PRKAG2: variants seen among roughly 807,000 people sequenced by gnomAD.
PRKAG2 encodes 5'-AMP-activated protein kinase subunit gamma-2.
In PRKAG2, 26 loss-of-function variants were observed where a neutral mutation model predicts 69.6. That is an observed-to-expected ratio of 0.37 (90% CI 0.27 to 0.52). The LOEUF is 0.52. Ranked by LOEUF, PRKAG2 falls within the 20% of genes least tolerant of loss-of-function variation. The pLI, the probability that PRKAG2 is intolerant of heterozygous loss-of-function variation, is 0.90. For synonymous variants in PRKAG2, 293 were observed against 285.0 expected (o/e 1.03, Z -0.28); for missense variants, 557 against 740.0 (o/e 0.75, Z 2.87).
intron 5 of PRKAG2, 126 bp from the exon 6 acceptor site, chr7:151,595,580 C>T (rs1009514066): frequency 1.4e-6 from 1 of 733,600 alleles, no homozygotes; most frequent in African/African-American, 1.7e-5. Context: ...CCAGTATGAT[C>T]AAGGGCCAGG....
Position 151,736,459 on chromosome 7 carries a change from G to A in PRKAG2, c.466+44693C>T, listed in dbSNP as rs533966400. ...AGATAGGCAAAGGAGGCACAAGCCT[G>A]CAAGTCATGTGCAGCCGTGCATGAT... is the stretch of plus-strand genomic sequence containing the variant. On this transcript the variant is annotated intron_variant, in intron 3 of 15. Coordinates refer to ENST00000287878, the MANE Select transcript of PRKAG2 (RefSeq NM_016203.4). 3.3e-4 allele frequency: 299 copies of A among 913,278 alleles called. No homozygotes were observed. The African/African-American group carries it at 5.0e-3, about 15-fold the overall frequency. The allele number at this position is 913,278 out of a possible 1,614,324, so 56.6% of individuals were successfully genotyped here.
rs1429429301 is a variant in PRKAG2, at chr7:151,756,041, G to A, written c.466+25111C>T. Among the ~76,000 whole-genome samples the A allele has an allele frequency of 2.0e-5, 3 of 152,026 alleles. No homozygotes were observed. The highest frequency in any genetic ancestry group is 4.4e-5 in the Non-Finnish European group (3 of 67,996). On this transcript the variant is annotated intron_variant, in intron 3 of 15. Transcript: ENST00000287878. The surrounding 1 kb of genome is among the most constrained non-coding windows in gnomAD (Gnocchi z 4.9). ...ACAAATACTTCCACTGCCCTCTCCC[G>A]CCTCCTCTCCCATCCCCCATTGGTC...
At chr7:151,743,690 A>G (rs896935877) in intron 3 of PRKAG2, among the ~76,000 whole-genome samples, 7 of 152,340 alleles carry the variant, frequency 4.6e-5, no homozygotes, top group Non-Finnish European at 1.0e-4. Context: ...GAGTTCCTCC[A>G]CGAGACTCAG....
intron 5 of PRKAG2, among the ~76,000 whole-genome samples, chr7:151,628,719 A>AAAAAAGAAAAACCAG (rs371336340): frequency 2.0e-5 from 3 of 151,558 alleles, no homozygotes; most frequent in Non-Finnish European, 2.9e-5. Flanking sequence ...GGGAGGGAAA[A>AAAAAAGAAAAACCAG]ATTGCTATGG....
At chr7:151,584,980 C>T (rs559571004) in intron 6 of PRKAG2, among the ~76,000 whole-genome samples, 5 of 152,186 alleles carry the variant, frequency 3.3e-5, no homozygotes, top group Admixed American at 6.5e-5. Flanking sequence ...CAGGTTCTAG[C>T]GGGACGTCAC....
chr7:151,818,073 T>C (rs1220580513), intron 1 of PRKAG2, among the ~76,000 whole-genome samples: 2 of 152,196 alleles, frequency 1.3e-5, no homozygotes, highest in South Asian at 2.1e-4. Context: ...AAGGATCAGG[T>C]ACCACCTGAG....
intron 3 of PRKAG2, among the ~76,000 whole-genome samples, chr7:151,684,887 G>T (rs1489160389): frequency 1.3e-5 from 2 of 152,122 alleles, no homozygotes; most frequent in Admixed American, 6.5e-5. Context: ...GCCAGTCCCT[G>T]GTTTCTCATC....
At chr7:151,831,751 T>A (rs559914159) in intron 1 of PRKAG2, among the ~76,000 whole-genome samples, 4 of 152,148 alleles carry the variant, frequency 2.6e-5, no homozygotes, top group Non-Finnish European at 4.4e-5. Flanking sequence ...TGGAGGGAGT[T>A]CTGTGTGCCC....
chr7:151,738,513 G>T (rs1006661453), intron 3 of PRKAG2, among the ~76,000 whole-genome samples: 4 of 152,408 alleles, frequency 2.6e-5, no homozygotes, highest in Non-Finnish European at 4.4e-5. Flanking sequence ...AAGGTTGTGG[G>T]TTTACGGAAA....
chr7:151,581,551 T>G (rs1041542931), intron 6 of PRKAG2, among the ~76,000 whole-genome samples: 12 of 152,146 alleles, frequency 7.9e-5, no homozygotes, highest in African/African-American at 2.7e-4. Context: ...AGTGGACATC[T>G]ACACACAAAA....
rs868675138 is a variant in PRKAG2, at chr7:151,843,987, A to G, written c.114+32520T>C. 2.4e-4 allele frequency among the ~76,000 whole-genome samples: 37 copies of G among 152,370 alleles called. 1 individual carries two copies. Among genetic ancestry groups the G allele is most frequent in the African/African-American group, 8.9e-4 (37 of 41,590 alleles). On this transcript the variant is annotated intron_variant, in intron 1 of 15. Transcript: ENST00000287878. ...AAGCTTTTTAAAAATTCAGATTCCA[A>G]GGCCTCAGCCTGGGCCTCCTGACTC...
rs1331417687 is a variant in PRKAG2, at chr7:151,781,059, C to T, written c.466+93G>A. The T allele has an allele frequency of 4.5e-6, 7 of 1,550,968 alleles. No homozygotes were observed. The highest frequency in any genetic ancestry group is 5.3e-6 in the Non-Finnish European group (6 of 1,129,270). On this transcript the variant is annotated intron_variant, in intron 3 of 15. Coordinates refer to ENST00000287878, the MANE Select transcript of PRKAG2 (RefSeq NM_016203.4). The surrounding 1 kb of genome is among the most constrained non-coding windows in gnomAD (Gnocchi z 6.1). ...CTCAGCACCAAGCTGCTCACAGCCA[C>T]CTGGCAGCTTCGGTGCCACCGTGGA...
In PRKAG2 at chr7:151,876,807, G is replaced by A; in HGVS notation, c.-187C>T. The A allele has an allele frequency of 1.5e-6, 1 of 655,044 alleles. No individual in the cohort carries two copies. Among genetic ancestry groups the A allele is most frequent in the Non-Finnish European group, 2.7e-6 (1 of 367,224 alleles). The allele number at this position is 655,044 out of a possible 1,614,324, so 40.6% of individuals were successfully genotyped here. A position where few individuals can be genotyped will look rare whatever the true frequency, so the allele number is the denominator to read the frequency against. ...CGGCCGCCGCCGCCGCCGAAGCGCC[G>A]AATTCAAGCGTCCTTTCCTACGGAA... On this transcript the variant is annotated 5_prime_UTR_variant, in exon 1 of 16. Coordinates refer to ENST00000287878, the MANE Select transcript of PRKAG2 (RefSeq NM_016203.4).
At chr7:151,637,217 T>C (rs1825882746) in intron 4 of PRKAG2, among the ~76,000 whole-genome samples, 1 of 152,098 alleles carries the variant, frequency 6.6e-6, no homozygotes, top group Non-Finnish European at 1.5e-5. Context: ...TATCTCAAAA[T>C]AAAAAGTTTA....
At chr7:151,765,729 A>AT (rs1426523537) in intron 3 of PRKAG2, among the ~76,000 whole-genome samples, 2 of 152,058 alleles carry the variant, frequency 1.3e-5, no homozygotes, top group Non-Finnish European at 2.9e-5. Context: ...TCCACAAACC[A>AT]TTTTTGCCGG....
At chr7:151,796,247 G>A (rs2077529830) in intron 1 of PRKAG2, among the ~76,000 whole-genome samples, 1 of 151,990 alleles carries the variant, frequency 6.6e-6, no homozygotes, top group African/African-American at 2.4e-5. Context: ...TCAGTCATCG[G>A]GTGGGCTCTC....
At chr7:151,853,623 G>A (rs1380129873) in intron 1 of PRKAG2, among the ~76,000 whole-genome samples, 4 of 152,008 alleles carry the variant, frequency 2.6e-5, no homozygotes, top group Admixed American at 2.6e-4. Flanking sequence ...AGCCAGGCGT[G>A]GTGGCGGGTG....
At chr7:151,572,405 A>T in intron 9 of PRKAG2, 1 of 312,644 alleles carries the variant, frequency 3.2e-6, no homozygotes, top group Non-Finnish European at 5.9e-6. Context: ...TAGCTCATTC[A>T]TCTTCACATT....
intron 1 of PRKAG2, among the ~76,000 whole-genome samples, chr7:151,811,144 C>G (rs1384530107): frequency 6.6e-6 from 1 of 152,240 alleles, no homozygotes; most frequent in African/African-American, 2.4e-5. Context: ...GTGCTAAGAC[C>G]TGGAGAATTC....
Sources: allele counts gnomAD v4.1 joint callset (sites outside exome capture counted in the v4.1 genomes callset), GRCh38; gene constraint gnomAD v4.1.1; non-coding constraint Gnocchi (gnomAD v3.1); transcripts MANE v1.5; gene names NCBI Gene and HGNC (gene_info 2026-07-23, HGNC 2026-07-21).